SENP6: variants seen among roughly 807,000 people sequenced by gnomAD.
The protein encoded by SENP6 is sentrin-specific protease 6.
Under a neutral mutation model 134.5 loss-of-function variants are expected in SENP6, and 41 were observed. The observed-to-expected ratio is 0.30, with a 90% confidence interval of 0.24 to 0.40. The LOEUF is 0.40. SENP6 is among the 10% of genes least tolerant of loss of function. The probability of loss-of-function intolerance (pLI) is 1.00; values close to 1 mark genes in which losing one functional copy is unlikely to be tolerated. For synonymous variants in SENP6, 395 were observed against 429.8 expected, an observed-to-expected ratio of 0.92 and a Z score of 1.00; for missense variants, 1,248 against 1,312.5, an observed-to-expected ratio of 0.95 and a Z score of 0.76.
In SENP6 at chr6:75,633,651, A is replaced by G. The variant is rs377489649; in HGVS notation, c.278A>G (p.Asn93Ser). ...EFILKTYVRR[N>S]KSESFKTLKG... is the part of the protein sequence containing the mutation. ...ATCTTGAAGACATATGTAAGACGAA[A>G]CAAGTCTGAAAGTTTTAAAACTTTG... Residue 93 changes from asparagine (N) to serine (S), a missense_variant, in exon 4 of 24, where the codon AAC becomes AGC. Transcript: ENST00000447266. 4 of 1,612,220 alleles carry G rather than the reference A, an allele frequency of 2.5e-6. No individual in the cohort carries two copies. The African/African-American group carries it at 4.0e-5, about 16-fold the overall frequency.
At chr6:75,687,236 A>G (rs113311113) in intron 16 of SENP6, among the ~76,000 whole-genome samples, 37,137 of 152,128 alleles carry the variant, frequency 0.24, 5,915 homozygotes, top group Non-Finnish European at 0.37. Context: ...TGCAATGGTT[A>G]TCAGCTCCAT....
At chr6:75,660,600 A>G (rs1022438515) in intron 8 of SENP6, among the ~76,000 whole-genome samples, 1 of 151,858 alleles carries the variant, frequency 6.6e-6, no homozygotes, top group African/African-American at 2.4e-5. Context: ...TCTGCTTTTT[A>G]GTATAACAAG....
intron 11 of SENP6, among the ~76,000 whole-genome samples, chr6:75,671,660 T>G (rs1322348218): frequency 2.6e-5 from 4 of 152,136 alleles, no homozygotes; most frequent in Admixed American, 6.5e-5. Flanking sequence ...AGGCAGAGGT[T>G]GCAGTGAGCC....
At chr6:75,643,977 TCTC>T (rs1336216623) in intron 6 of SENP6, 2 of 152,076 alleles carry the variant, frequency 1.3e-5, no homozygotes, top group African/African-American at 4.8e-5. Context: ...TAAATACCAC[TCTC>T]CACTAAAAGG....
At chr6:75,647,863 G>T in intron 7 of SENP6, 62 bp downstream of exon 7, 1 of 1,262,404 alleles carries the variant, frequency 7.9e-7, no homozygotes, top group South Asian at 1.3e-5. Flanking sequence ...AAAGTACAAT[G>T]GAGATACGAT....
intron 1 of SENP6, among the ~76,000 whole-genome samples, chr6:75,616,436 A>G (rs996621004): frequency 1.3e-5 from 2 of 152,084 alleles, no homozygotes; most frequent in African/African-American, 4.8e-5. Context: ...CAATTAGGGT[A>G]TGATTGAGTT....
chr6:75,651,184 C>T (rs1770831920), intron 7 of SENP6, among the ~76,000 whole-genome samples: 1 of 152,112 alleles, frequency 6.6e-6, no homozygotes, highest in Non-Finnish European at 1.5e-5. Flanking sequence ...CCTACTCTCT[C>T]ATTTGTTTCT....
rs192606864 is a variant in SENP6 at position 75,628,217 on chromosome 6, A to G, written c.207+4257A>G. Among the ~76,000 whole-genome samples the G allele has an allele frequency of 1.0e-3, 152 of 152,160 alleles. 1 individual carries two copies. Among genetic ancestry groups the G allele is most frequent in the Admixed American group, 9.8e-3 (150 of 15,276 alleles). On this transcript the variant is annotated intron_variant, in intron 3 of 23. Coordinates refer to ENST00000447266, the MANE Select transcript of SENP6 (RefSeq NM_015571.4). ...CATATTTCTTCTGTTCAGTTTTCCC[A>G]TAGAATCTTAATATGATATACTTTT...
At position 75,703,067 on chromosome 6, in the gene SENP6, A is replaced by G; in HGVS notation, c.2711A>G (p.His904Arg). ...LQNESLSSTHHTDGLSKIRLN... is the reference protein window; with the variant it reads ...LQNESLSSTHRTDGLSKIRLN... ...AATGAAAGTTTAAGTTCCACACATCATACAGGTATGTATCTAAATGTTTTG... is the reference window on the plus strand; with the variant it reads ...AATGAAAGTTTAAGTTCCACACATCGTACAGGTATGTATCTAAATGTTTTG... The change falls in exon 19 of 24, where the codon CAT becomes CGT. Residue 904 changes from histidine (H) to arginine (R), a missense_variant. Coordinates refer to ENST00000447266, the MANE Select transcript of SENP6 (RefSeq NM_015571.4). 1 of 1,592,852 alleles carries G rather than the reference A, an allele frequency of 6.3e-7. No homozygotes were observed. The highest frequency in any genetic ancestry group is 8.5e-7 in the Non-Finnish European group (1 of 1,170,066).
At chr6:75,619,045 T>C in intron 1 of SENP6, among the ~76,000 whole-genome samples, 1 of 151,366 alleles carries the variant, frequency 6.6e-6, no homozygotes, top group Non-Finnish European at 1.5e-5. Context: ...TTAAAAGCAG[T>C]TTTTTATTGT....
In SENP6 at chr6:75,617,263, C is replaced by CTT. The variant is rs71002751; in HGVS notation, c.53-4243_53-4242dup. Among the ~76,000 whole-genome samples, 551 of 58,098 alleles carry CTT rather than the reference C, an allele frequency of 9.5e-3. 51 individuals carry two copies. The highest frequency in any genetic ancestry group is 0.058 in the Middle Eastern group (3 of 52). The allele number at this position is 58,098 out of a possible 152,430, so 38.1% of individuals were successfully genotyped here. On this transcript the variant is annotated intron_variant, in intron 1 of 23. Transcript: ENST00000447266. Reference sequence around the variant, plus strand: ...GATGGTTTGGAGAATTTCTTTCTTTCTTTTTTTTTTTTTTTTTTTTTTTTT... The same window carrying CTT: ...GATGGTTTGGAGAATTTCTTTCTTTCTTTTTTTTTTTTTTTTTTTTTTTTTTT...
chr6:75,683,584 G>A (rs2149884356), intron 16 of SENP6, among the ~76,000 whole-genome samples: 1 of 152,262 alleles, frequency 6.6e-6, no homozygotes, highest in Non-Finnish European at 1.5e-5. Flanking sequence ...TAAGGTGTAA[G>A]GAGGGGATCC....
Position 75,700,856 on chromosome 6 carries a change from TAAATA to T in SENP6, c.2289-1779_2289-1775del, listed in dbSNP as rs1205436036. 1.6e-4 allele frequency among the ~76,000 whole-genome samples: 24 copies of T among 152,314 alleles called. No individual in the cohort carries two copies. In the East Asian group the frequency reaches 3.9e-3, roughly 24 times the overall value. Reference sequence around the variant, plus strand: ...TGTCTAAAGTTGAGATGTGACTTTATAAATAAAATAAAATTAGCTATGTGTTAGAA... The same window carrying T: ...TGTCTAAAGTTGAGATGTGACTTTATAAATAAAATTAGCTATGTGTTAGAA... On this transcript the variant is annotated intron_variant, in intron 18 of 23. Coordinates refer to ENST00000447266, the MANE Select transcript of SENP6 (RefSeq NM_015571.4).
Position 75,663,290 on chromosome 6 carries a change from A to ATTC in SENP6, c.767_769dup (p.Ile256_His257insLeu). On this transcript the variant is annotated inframe_insertion, in exon 9 of 24. Coordinates refer to ENST00000447266, the MANE Select transcript of SENP6 (RefSeq NM_015571.4). ...TACTGGACCATTATTAAGAACGTCA[A>ATTC]TTCATCAGAATTCTGGAGGACAGAA... 8 of 1,613,752 alleles carry ATTC rather than the reference A, an allele frequency of 5.0e-6. No homozygotes were observed. The highest frequency in any genetic ancestry group is 6.8e-6 in the Non-Finnish European group (8 of 1,179,736).
rs1774711123 is a variant in SENP6, at chr6:75,697,073, C to T, written c.2196-352C>T. Among the ~76,000 whole-genome samples, 2 of 152,166 alleles carry T rather than the reference C, an allele frequency of 1.3e-5. 1 individual carries two copies. The highest frequency in any genetic ancestry group is 1.3e-4 in the Admixed American group (2 of 15,266). ...TAATGCTCACTTTTCCTACTGTCTTCTCCCCAGTTACCCTAAGTCGTGCTT... is the reference window on the plus strand; with the variant it reads ...TAATGCTCACTTTTCCTACTGTCTTTTCCCCAGTTACCCTAAGTCGTGCTT... On this transcript the variant is annotated intron_variant, in intron 17 of 23. Coordinates refer to ENST00000447266, the MANE Select transcript of SENP6 (RefSeq NM_015571.4).
Position 75,678,642 on chromosome 6 carries a change from A to G in SENP6, c.1908A>G (p.Glu636=). The G allele has an allele frequency of 6.2e-7, 1 of 1,603,938 alleles. No homozygotes were observed. The highest frequency in any genetic ancestry group is 8.5e-7 in the Non-Finnish European group (1 of 1,173,376). ...AACAAGAATTTCAGTTTTTTGATGAAGAAGAAGAAACTGGAGAAAACCACA... is the reference window on the plus strand; with the variant it reads ...AACAAGAATTTCAGTTTTTTGATGAGGAAGAAGAAACTGGAGAAAACCACA... ...RSKQEFQFFD[E]EEETGENHTI... The change falls in exon 15 of 24, where the codon GAA becomes GAG. Residue 636 remains glutamate (E), a synonymous_variant. Transcript: ENST00000447266.
At chr6:75,711,485 G>GTTT in intron 21 of SENP6, 69 bp downstream of exon 21, 3 of 885,378 alleles carry the variant, frequency 3.4e-6, no homozygotes, top group Non-Finnish European at 4.9e-6. Context: ...TAACAGGACA[G>GTTT]TTTTTTTTTT....
intron 11 of SENP6, among the ~76,000 whole-genome samples, chr6:75,674,146 CTTTTTTTTTTTTT>C (rs770350544): frequency 6.2e-5 from 8 of 128,492 alleles, no homozygotes; most frequent in Admixed American, 1.7e-4. Context: ...CAAGCTACTC[CTTTTTTTTTTTTT>C]TTTTTTTTTT....
At chr6:75,649,688 T>G (rs1245759200) in intron 7 of SENP6, among the ~76,000 whole-genome samples, 1 of 152,134 alleles carries the variant, frequency 6.6e-6, no homozygotes, top group Non-Finnish European at 1.5e-5. Context: ...AGCTAATTTT[T>G]GTATTGTTAA....
Sources: gnomAD v4.1 joint callset for allele counts (sites outside exome capture counted in the v4.1 genomes callset) on GRCh38, gnomAD v4.1.1 for gene constraint, MANE v1.5 for transcripts, NCBI Gene and HGNC (gene_info 2026-07-23, HGNC 2026-07-21) for gene names.